KIAA1328: variants seen among roughly 807,000 people sequenced by gnomAD.
KIAA1328 encodes the protein KIAA1328.
A neutral mutation model predicts 68.1 loss-of-function variants in KIAA1328; 52 were observed. The ratio of observed to expected loss-of-function variants is 0.76; its 90% CI spans 0.61 to 0.96. The LOEUF (loss-of-function observed/expected upper bound fraction) is 0.96. Ranked by LOEUF, KIAA1328 falls within the 40% of genes least tolerant of loss-of-function variation. The probability of loss-of-function intolerance (pLI) is 0.00; values close to 1 mark genes in which losing one functional copy is unlikely to be tolerated. For missense variants in KIAA1328, 641 were observed against 677.6 expected (o/e 0.95, Z 0.60); for synonymous variants, 232 against 239.4 (o/e 0.97, Z 0.28).
rs370657745 is a variant in KIAA1328, at chr18:37,213,212, A to G, written c.1524-8805A>G. On this transcript the variant is annotated intron_variant, in intron 9 of 9. Transcript: ENST00000280020. The stretch of plus-strand genomic sequence containing the variant: ...TGTGCACAACGTGCAAGTTTGTGAC[A>G]TATGTATACATGTGCTGTGTTTGTT... 4.6e-5 allele frequency among the ~76,000 whole-genome samples: 7 copies of G among 152,210 alleles called. No individual in the cohort carries two copies. In the South Asian group the frequency reaches 6.2e-4, roughly 14 times the overall value.
intron 6 of KIAA1328, among the ~76,000 whole-genome samples, chr18:37,016,564 GA>G (rs2054159927): frequency 6.6e-6 from 1 of 152,088 alleles, no homozygotes; most frequent in African/African-American, 2.4e-5. Context: ...ATGTCTGGTA[GA>G]AATCAACTGT....
At chr18:37,060,474 A>G (rs2056102860) in intron 6 of KIAA1328, among the ~76,000 whole-genome samples, 1 of 152,180 alleles carries the variant, frequency 6.6e-6, no homozygotes, top group African/African-American at 2.4e-5. Flanking sequence ...AAATGGCTAA[A>G]AATAAAAACA....
intron 5 of KIAA1328, among the ~76,000 whole-genome samples, chr18:36,942,269 C>T (rs977050122): frequency 6.6e-6 from 1 of 152,214 alleles, no homozygotes; most frequent in African/African-American, 2.4e-5. Flanking sequence ...TCTGCCTGCA[C>T]CTGGTGTTTC....
chr18:37,066,946 C>T lies in KIAA1328; in HGVS notation c.633C>T (p.Tyr211=). Residue 211 remains tyrosine (Y), a synonymous_variant, in exon 7 of 10, where the codon TAC becomes TAT. Transcript: ENST00000280020. The stretch of plus-strand genomic sequence containing the variant: ...CATCTGTGGAACTGGATGGTTCCTA[C>T]TTGAGCATAGCCAGACCACAGACCT... The part of the protein sequence containing the change: ...QCSSVELDGS[Y]LSIARPQTYY... The T allele has an allele frequency of 6.2e-7, 1 of 1,611,096 alleles. No homozygotes were observed. Among genetic ancestry groups the T allele is most frequent in the South Asian group, 1.1e-5 (1 of 90,470 alleles).
intron 7 of KIAA1328, among the ~76,000 whole-genome samples, chr18:37,077,566 T>C (rs2056786830): frequency 1.3e-5 from 2 of 152,030 alleles, no homozygotes; most frequent in Admixed American, 1.3e-4. Context: ...GATGAAATGA[T>C]TGTATATTTA....
chr18:36,993,303 T>TAA (rs1337241792), intron 6 of KIAA1328, among the ~76,000 whole-genome samples: 2 of 152,252 alleles, frequency 1.3e-5, no homozygotes, highest in Admixed American at 6.5e-5. Flanking sequence ...CATCTTACAC[T>TAA]CTATGACTAA....
chr18:37,223,225 C>T lies in KIAA1328; in HGVS notation c.*998C>T, dbSNP rs966292373. 4 of 985,230 alleles carry T rather than the reference C, an allele frequency of 4.1e-6. No individual in the cohort carries two copies. Among genetic ancestry groups the T allele is most frequent in the Middle Eastern group, 5.2e-4 (1 of 1,934 alleles). The allele number at this position is 985,230 out of a possible 1,614,324, so 61.0% of individuals were successfully genotyped here. A position where few individuals can be genotyped will look rare whatever the true frequency, so the allele number is the denominator to read the frequency against. On this transcript the variant is annotated 3_prime_UTR_variant, in exon 10 of 10. Transcript: ENST00000280020. ...ACAAGCTGACCAGGCCTCACAGGTGCTCTGCTCGTGGCCCCAAAGAACCAT... is the reference window on the plus strand; with the variant it reads ...ACAAGCTGACCAGGCCTCACAGGTGTTCTGCTCGTGGCCCCAAAGAACCAT...
chr18:37,001,448 G>A (rs1454678284), intron 6 of KIAA1328, among the ~76,000 whole-genome samples: 1 of 152,040 alleles, frequency 6.6e-6, no homozygotes, highest in African/African-American at 2.4e-5. Context: ...ACCATATTAA[G>A]AAAAACTAAT....
intron 9 of KIAA1328, among the ~76,000 whole-genome samples, chr18:37,197,163 A>C (rs2060019561): frequency 6.6e-6 from 1 of 151,932 alleles, no homozygotes; most frequent in Admixed American, 6.5e-5. Flanking sequence ...GCTGGGATGC[A>C]AAATGTTTCT....
At chr18:36,996,940 C>T (rs1189022133) in intron 6 of KIAA1328, among the ~76,000 whole-genome samples, 21 of 152,078 alleles carry the variant, frequency 1.4e-4, no homozygotes, top group South Asian at 6.2e-4. Context: ...TTAAGGTGGA[C>T]GTGCGCATTG....
intron 9 of KIAA1328, among the ~76,000 whole-genome samples, chr18:37,199,379 A>G (rs1287542677): frequency 1.3e-5 from 2 of 152,232 alleles, no homozygotes; most frequent in East Asian, 3.8e-4. Context: ...TAGTTTGCCA[A>G]GGATAATGGC....
chr18:36,842,891 A>C (rs890323626), intron 3 of KIAA1328, among the ~76,000 whole-genome samples: 1 of 152,074 alleles, frequency 6.6e-6, no homozygotes. Context: ...ACAATGTTAT[A>C]TGCTTCTGAT....
intron 7 of KIAA1328, among the ~76,000 whole-genome samples, chr18:37,122,540 C>T (rs892023211): frequency 1.3e-5 from 2 of 151,994 alleles, no homozygotes; most frequent in African/African-American, 4.8e-5. Flanking sequence ...CAAAGGAGAT[C>T]CCAGTGATAT....
chr18:37,203,958 C>T (rs1039906272), intron 9 of KIAA1328, among the ~76,000 whole-genome samples: 3 of 152,150 alleles, frequency 2.0e-5, no homozygotes, highest in South Asian at 2.1e-4. Flanking sequence ...TACAGGCGCC[C>T]GCCACCACAC....
intron 4 of KIAA1328, among the ~76,000 whole-genome samples, chr18:36,869,768 A>G (rs981710007): frequency 2.0e-5 from 3 of 152,188 alleles, no homozygotes; most frequent in Non-Finnish European, 2.9e-5. Context: ...ATATATGGCA[A>G]TTATTTAGGT....
At chr18:36,981,806 A>G (rs2052699394) in intron 6 of KIAA1328, among the ~76,000 whole-genome samples, 1 of 147,916 alleles carries the variant, frequency 6.8e-6, no homozygotes, top group Admixed American at 6.9e-5. Flanking sequence ...TTTGTTGCCC[A>G]GGCTGGTCCT....
chr18:36,979,372 AAATC>A (rs1468163262), intron 6 of KIAA1328, among the ~76,000 whole-genome samples: 3 of 152,212 alleles, frequency 2.0e-5, no homozygotes, highest in South Asian at 2.1e-4. Flanking sequence ...AATCTAGTCT[AAATC>A]AATGTCAACT....
intron 7 of KIAA1328, among the ~76,000 whole-genome samples, chr18:37,082,046 T>C (rs2056964406): frequency 6.6e-6 from 1 of 152,162 alleles, no homozygotes; most frequent in Admixed American, 6.6e-5. Context: ...GTGAGGAGTA[T>C]TAAAATGAGC....
chr18:36,882,067 A>G (rs1429011632), intron 4 of KIAA1328, among the ~76,000 whole-genome samples: 1 of 152,182 alleles, frequency 6.6e-6, no homozygotes, highest in Non-Finnish European at 1.5e-5. Flanking sequence ...GCACTGTACA[A>G]GGGTTTTCGT....
Sources: allele counts gnomAD v4.1 joint callset (sites outside exome capture counted in the v4.1 genomes callset), GRCh38; gene constraint gnomAD v4.1.1; transcripts MANE v1.5; gene names NCBI Gene and HGNC (gene_info 2026-07-23, HGNC 2026-07-21).